STPG4: variants seen among roughly 807,000 people sequenced by gnomAD.
The protein encoded by STPG4 is protein STPG4.
In STPG4, 41 loss-of-function variants were observed where a neutral mutation model predicts 31.5. The ratio of observed to expected loss-of-function variants is 1.30; its 90% confidence interval spans 1.01 to 1.69. STPG4 has a LOEUF of 1.69. STPG4 is among the 40% of genes most tolerant of loss of function. The pLI is 0.00. For synonymous variants in STPG4, 141 were observed against 103.0 expected (o/e 1.37, Z -2.24); for missense variants, 375 against 293.4 (o/e 1.28, Z -2.03).
intron 5 of STPG4, among the ~76,000 whole-genome samples, chr2:47,093,761 C>T (rs571237364): frequency 6.8e-4 from 103 of 152,336 alleles, no homozygotes; most frequent in Middle Eastern, 3.4e-3. Flanking sequence ...AGTTACTGAA[C>T]GCTATTCCAC....
intron 5 of STPG4, among the ~76,000 whole-genome samples, chr2:47,109,572 A>C (rs951629406): frequency 1.3e-5 from 2 of 152,038 alleles, no homozygotes; most frequent in South Asian, 4.1e-4. Context: ...AAAAAAAAAA[A>C]AAAATTCTAG....
At chr2:47,151,604 ATC>A in intron 2 of STPG4, 89 bp from the exon 3 acceptor site, 1 of 1,056,522 alleles carries the variant, frequency 9.5e-7, no homozygotes, top group Non-Finnish European at 1.4e-6. Context: ...CCCAAGTAAC[ATC>A]TCTCTTTGTT....
intron 5 of STPG4, among the ~76,000 whole-genome samples, chr2:47,099,956 A>T (rs935922236): frequency 3.3e-5 from 5 of 152,156 alleles, no homozygotes; most frequent in African/African-American, 9.7e-5. Context: ...GCTGGGTCTT[A>T]GCTGCCTTCC....
chr2:47,122,338 G>A (rs1049021041), intron 5 of STPG4, among the ~76,000 whole-genome samples: 12 of 151,872 alleles, frequency 7.9e-5, no homozygotes, highest in Admixed American at 5.9e-4. Flanking sequence ...CATTTTTAAT[G>A]TTATATAATC....
At chr2:47,144,966 G>A (rs1686790788) in intron 3 of STPG4, among the ~76,000 whole-genome samples, 1 of 152,196 alleles carries the variant, frequency 6.6e-6, no homozygotes, top group African/African-American at 2.4e-5. Context: ...TCTTGACCTC[G>A]TGATCCGCCC....
At chr2:47,103,791 G>A (rs560500390) in intron 5 of STPG4, among the ~76,000 whole-genome samples, 1 of 152,060 alleles carries the variant, frequency 6.6e-6, no homozygotes, top group Admixed American at 6.5e-5. Flanking sequence ...CGGGGCAAGT[G>A]CCAGCTCATG....
intron 5 of STPG4, among the ~76,000 whole-genome samples, chr2:47,112,790 T>A (rs946400543): frequency 6.6e-6 from 1 of 152,014 alleles, no homozygotes; most frequent in African/African-American, 2.4e-5. Context: ...AAAACTTTTT[T>A]GAAAATCAAA....
chr2:47,103,685 C>T (rs969504444), intron 5 of STPG4, among the ~76,000 whole-genome samples: 4 of 152,028 alleles, frequency 2.6e-5, no homozygotes, highest in East Asian at 3.9e-4. Flanking sequence ...TCCACTATGC[C>T]GAGGCAATCA....
intron 5 of STPG4, among the ~76,000 whole-genome samples, chr2:47,105,758 C>T (rs1184722420): frequency 6.6e-6 from 1 of 151,992 alleles, no homozygotes; most frequent in East Asian, 1.9e-4. Context: ...GTGGCACTTA[C>T]CTGAGCCTTA....
intron 5 of STPG4, among the ~76,000 whole-genome samples, chr2:47,098,485 C>T (rs538457405): frequency 2.8e-4 from 43 of 152,246 alleles, no homozygotes; most frequent in African/African-American, 9.6e-4. Context: ...TGGAAAGTAT[C>T]AGTAGTTAGT....
intron 5 of STPG4, among the ~76,000 whole-genome samples, chr2:47,102,297 G>C (rs985494352): frequency 1.3e-5 from 2 of 151,900 alleles, no homozygotes; most frequent in Non-Finnish European, 2.9e-5. Context: ...TTGTCTTTCA[G>C]ATGGGAAACA....
chr2:47,155,130 G>A lies in STPG4; in HGVS notation c.81+41C>T, dbSNP rs191781897. 4.8e-3 allele frequency: 7,534 copies of A among 1,585,484 alleles called. 31 individuals carry two copies. Among genetic ancestry groups the A allele is most frequent in the Non-Finnish European group, 5.9e-3 (6,803 of 1,154,178 alleles). ...GGGAAAAGGGTAGTGGGCCTGGTGA[G>A]GGGAGCAGGAGCCAGGCCGGCAAGG... is the stretch of plus-strand genomic sequence containing the variant. On this transcript the variant is annotated intron_variant, in intron 1 of 6. Transcript: ENST00000445927.
chr2:47,112,450 G>A (rs746898866), intron 5 of STPG4, among the ~76,000 whole-genome samples: 8 of 152,102 alleles, frequency 5.3e-5, no homozygotes, highest in Non-Finnish European at 8.8e-5. Flanking sequence ...GATTACAGGC[G>A]TGAGCCACTG....
intron 3 of STPG4, among the ~76,000 whole-genome samples, chr2:47,134,571 C>T (rs1434145238): frequency 1.3e-5 from 2 of 152,186 alleles, no homozygotes; most frequent in South Asian, 2.1e-4. Context: ...ATTCCATTGT[C>T]TGGATGTACC....
intron 5 of STPG4, among the ~76,000 whole-genome samples, chr2:47,101,262 T>C (rs925711602): frequency 6.6e-6 from 1 of 151,610 alleles, no homozygotes; most frequent in African/African-American, 2.4e-5. Flanking sequence ...CTCTTCAGAG[T>C]TGGGATCATT....
At chr2:47,089,381 C>A (rs1685522305) in intron 6 of STPG4, among the ~76,000 whole-genome samples, 1 of 152,180 alleles carries the variant, frequency 6.6e-6, no homozygotes, top group Non-Finnish European at 1.5e-5. Flanking sequence ...ATTCTGCAGG[C>A]CATGGCCTGG....
chr2:47,118,477 T>C (rs1484093750), intron 5 of STPG4, among the ~76,000 whole-genome samples: 3 of 152,168 alleles, frequency 2.0e-5, no homozygotes, highest in Admixed American at 6.5e-5. Flanking sequence ...GTAATGATAA[T>C]AGAAATAAGG....
At chr2:47,113,949 G>A (rs1311858247) in intron 5 of STPG4, among the ~76,000 whole-genome samples, 2 of 151,602 alleles carry the variant, frequency 1.3e-5, no homozygotes, top group Non-Finnish European at 2.9e-5. Context: ...CAGGAGAATG[G>A]CGTGAACCCA....
intron 5 of STPG4, among the ~76,000 whole-genome samples, chr2:47,127,252 CTTTTTTTTTTTTTTTTTT>C (rs57475505): frequency 3.5e-5 from 2 of 57,456 alleles, no homozygotes; most frequent in African/African-American, 1.0e-4. Context: ...CAAGCTAATT[CTTTTTTTTTTTTTTTTTT>C]TTTTTTTTTT....
Sources: allele counts gnomAD v4.1 joint callset (sites outside exome capture counted in the v4.1 genomes callset), GRCh38; gene constraint gnomAD v4.1.1; transcripts MANE v1.5; gene names NCBI Gene and HGNC (gene_info 2026-07-23, HGNC 2026-07-21).